Variants in CCNC observed in about 807,000 individuals in gnomAD.
CCNC encodes cyclin-C.
CCNC carries 19 observed loss-of-function variants against 50.0 expected under a neutral mutation model. The ratio of observed to expected loss-of-function variants is 0.38; its 90% CI spans 0.27 to 0.56. The LOEUF (loss-of-function observed/expected upper bound fraction) is 0.56. Ranked by LOEUF, CCNC falls within the 20% of genes least tolerant of loss-of-function variation. The pLI is 0.72. For synonymous variants in CCNC, 93 were observed against 103.7 expected, an observed-to-expected ratio of 0.90 and a Z score of 0.63; for missense variants, 200 against 327.1, an observed-to-expected ratio of 0.61 and a Z score of 3.00.
intron 4 of CCNC, 31 bp downstream of exon 4, chr6:99,561,336 C>T (rs774595092): frequency 6.8e-7 from 1 of 1,471,808 alleles, no homozygotes; most frequent in Non-Finnish European, 9.5e-7. Flanking sequence ...ATTGACTACA[C>T]TTTGATGAAG....
At chr6:99,563,912 ACT>A (rs988622576) in intron 1 of CCNC, among the ~76,000 whole-genome samples, 26 of 152,054 alleles carry the variant, frequency 1.7e-4, no homozygotes, top group African/African-American at 6.0e-4. Context: ...ATAAAAAAAA[ACT>A]CTCTTCCTAC....
chr6:99,564,347 C>A (rs1172798470), intron 1 of CCNC, among the ~76,000 whole-genome samples: 1 of 150,970 alleles, frequency 6.6e-6, no homozygotes, highest in African/African-American at 2.4e-5. Flanking sequence ...ACTGCTTGAA[C>A]CCGGGAGGTG....
At chr6:99,566,920 T>C in intron 1 of CCNC, 2 of 452,890 alleles carry the variant, frequency 4.4e-6, no homozygotes, top group Non-Finnish European at 8.9e-6. Context: ...CCTTTCATAA[T>C]CTTTTCGTTT....
intron 6 of CCNC, among the ~76,000 whole-genome samples, 182 bp downstream of exon 6, chr6:99,551,658 G>A (rs955501079): frequency 6.6e-6 from 1 of 151,926 alleles, no homozygotes; most frequent in Admixed American, 6.6e-5. Context: ...GTTGATAATC[G>A]CCACTATGAA....
intron 9 of CCNC, among the ~76,000 whole-genome samples, chr6:99,548,714 A>T (rs1446130556): frequency 2.0e-5 from 3 of 151,306 alleles, no homozygotes; most frequent in African/African-American, 4.9e-5. Flanking sequence ...TAGGCAGGAG[A>T]ATCGCTTGAA....
intron 8 of CCNC, chr6:99,549,787 G>T: frequency 2.4e-6 from 1 of 408,758 alleles, no homozygotes; most frequent in Non-Finnish European, 4.3e-6. Context: ...TAAAATTACA[G>T]CTAAATATAT....
Position 99,568,649 on chromosome 6 carries a change from C to T in CCNC, c.-122G>A. The T allele has an allele frequency of 1.3e-6, 2 of 1,531,192 alleles. No individual in the cohort carries two copies. The highest frequency in any genetic ancestry group is 2.5e-5 in the East Asian group (1 of 40,720). 94.9% of individuals were successfully genotyped at this position (1,531,192 alleles called of 1,614,324 possible). ...AAATCAGCTCGGCTCGACTCCGCTC[C>T]GCGGCGGCGACGGCGAAAGGAAGAG... On this transcript the variant is annotated 5_prime_UTR_variant, in exon 1 of 12. Coordinates refer to ENST00000520429, the MANE Select transcript of CCNC (RefSeq NM_005190.4).
At chr6:99,550,133 T>C in intron 8 of CCNC, 85 bp downstream of exon 8, 1 of 969,426 alleles carries the variant, frequency 1.0e-6, no homozygotes, top group Non-Finnish European at 1.6e-6. Flanking sequence ...GTTTAATGAC[T>C]TTAAAAATAC....
intron 11 of CCNC, 177 bp from the exon 12 acceptor site, chr6:99,543,786 T>TTA: frequency 7.1e-7 from 1 of 1,412,976 alleles, no homozygotes; most frequent in East Asian, 2.5e-5. Context: ...AACATTGGTT[T>TTA]TATGTTTTTA....
intron 3 of CCNC, 58 bp downstream of exon 3, chr6:99,561,539 G>A: frequency 7.2e-7 from 1 of 1,379,934 alleles, no homozygotes; most frequent in Non-Finnish European, 1.0e-6. Context: ...TTTACACTGT[G>A]CTAAGGTTCA....
chr6:99,543,503 C>A lies in CCNC; in HGVS notation c.*52G>T. 1.3e-6 allele frequency: 2 copies of A among 1,592,264 alleles called. No individual in the cohort carries two copies. The highest frequency in any genetic ancestry group is 1.7e-6 in the Non-Finnish European group (2 of 1,161,952). ...GTTCCACTGAAGACATTACTGAAATCTGTCCAATGGTTTATTTCCAAGTGG... is the reference window on the plus strand; with the variant it reads ...GTTCCACTGAAGACATTACTGAAATATGTCCAATGGTTTATTTCCAAGTGG... On this transcript the variant is annotated 3_prime_UTR_variant, in exon 12 of 12. Transcript: ENST00000520429.
intron 5 of CCNC, 161 bp downstream of exon 5, chr6:99,558,336 T>C: frequency 9.4e-7 from 1 of 1,065,022 alleles, no homozygotes; most frequent in Non-Finnish European, 1.3e-6. Context: ...CCTTTTAGCT[T>C]GATTTTTTTG....
Position 99,543,626 on chromosome 6 carries a change from G to A in CCNC, c.798-17C>T, listed in dbSNP as rs774326487. On this transcript the variant is annotated splice_polypyrimidine_tract_variant and intron_variant, in intron 11 of 11. Transcript: ENST00000520429. ...TCTCCTTCACTGTTCAAATGGGGAA[G>A]AAAGAGATTTTATACCAATTAAAAG... 1.1e-5 allele frequency: 18 copies of A among 1,612,518 alleles called. No homozygotes were observed. In the South Asian group the frequency reaches 2.0e-4, roughly 18 times the overall value.
At chr6:99,548,735 A>G (rs191177690) in intron 9 of CCNC, among the ~76,000 whole-genome samples, 20 of 149,318 alleles carry the variant, frequency 1.3e-4, no homozygotes, top group Admixed American at 1.1e-3. Flanking sequence ...CCCAGGAGGC[A>G]GAGGTTGCAG....
chr6:99,543,642 C>T, intron 11 of CCNC, 33 bp from the exon 12 acceptor site: 2 of 1,610,308 alleles, frequency 1.2e-6, no homozygotes, highest in Non-Finnish European at 8.5e-7. Context: ...GATTTTATAC[C>T]AATTAAAAGA....
chr6:99,550,141 TACTTA>T lies in CCNC; in HGVS notation c.530+72_530+76del, dbSNP rs548632311. On this transcript the variant is annotated intron_variant, in intron 8 of 11. Coordinates refer to ENST00000520429, the MANE Select transcript of CCNC (RefSeq NM_005190.4). The stretch of plus-strand genomic sequence containing the variant: ...GGCAATAGTTTAATGACTTTAAAAA[TACTTA>T]ACTTCATATTTAATTGTCAACCTTC... 162 of 1,019,052 alleles carry T rather than the reference TACTTA, an allele frequency of 1.6e-4. 1 individual carries two copies. The African/African-American group carries it at 2.0e-3, about 13-fold the overall frequency. 63.1% of individuals were successfully genotyped at this position (1,019,052 alleles called of 1,614,324 possible).
At chr6:99,549,667 G>T in intron 8 of CCNC, 92 bp from the exon 9 acceptor site, 1 of 789,312 alleles carries the variant, frequency 1.3e-6, no homozygotes, top group Non-Finnish European at 2.1e-6. Flanking sequence ...TCCCATCTTT[G>T]CACACATTTA....
Position 99,549,566 on chromosome 6 carries a change from C to T in CCNC, c.540G>A (p.Val180=). The stretch of plus-strand genomic sequence containing the variant: ...AAAGATCCGTTCTGTAGGTATCATT[C>T]ACTATCCTCCTATAGAAATGTAAAT... ...DMLLPLAWRI[V]NDTYRTDLCL... The change falls in exon 9 of 12, where the codon GTG becomes GTA. Residue 180 remains valine (V), a synonymous_variant. Transcript: ENST00000520429. The T allele has an allele frequency of 6.3e-7, 1 of 1,586,920 alleles. No individual in the cohort carries two copies. Among genetic ancestry groups the T allele is most frequent in the Non-Finnish European group, 8.6e-7 (1 of 1,156,286 alleles).
chr6:99,552,020 A>G (rs1802320343), intron 5 of CCNC, 125 bp from the exon 6 acceptor site: 1 of 526,616 alleles, frequency 1.9e-6, no homozygotes. Context: ...TCTTGGCAAC[A>G]CTTACGGACG....
Sources: gnomAD v4.1 joint callset for allele counts (sites outside exome capture counted in the v4.1 genomes callset) on GRCh38, gnomAD v4.1.1 for gene constraint, MANE v1.5 for transcripts, NCBI Gene and HGNC (gene_info 2026-07-23, HGNC 2026-07-21) for gene names.